The following COL6A6 variants were observed in gnomAD, a reference collection of about 807,000 sequenced individuals.
COL6A6 encodes collagen type VI alpha 6 chain, also known as collagen alpha-6(VI) chain.
In COL6A6, 183 loss-of-function variants were observed where a neutral mutation model predicts 208.6. The observed-to-expected ratio is 0.88, with a 90% CI of 0.78 to 0.99. The LOEUF (loss-of-function observed/expected upper bound fraction) is 0.99. Among genes scored for constraint, COL6A6 ranks in the 50% least tolerant of loss-of-function variants. The pLI is 0.00. For missense variants in COL6A6, 2,816 were observed against 2,815.2 expected, an observed-to-expected ratio of 1.00 and a Z score of -0.01; for synonymous variants, 973 against 1,011.8, an observed-to-expected ratio of 0.96 and a Z score of 0.73.
chr3:130,601,542 T>C (rs1184396954), intron 20 of COL6A6, among the ~76,000 whole-genome samples: 1 of 152,228 alleles, frequency 6.6e-6, no homozygotes, highest in African/African-American at 2.4e-5. Flanking sequence ...ACTTAAAGAA[T>C]ATCATCCAGG....
At chr3:130,571,958 C>T (rs1352609238) in intron 7 of COL6A6, among the ~76,000 whole-genome samples, 2 of 149,878 alleles carry the variant, frequency 1.3e-5, no homozygotes, top group African/African-American at 4.9e-5. Context: ...GCTGGGATTA[C>T]AAGTGTGGGC....
At chr3:130,565,638 G>C in intron 4 of COL6A6, 24 bp downstream of exon 4, 1 of 1,575,840 alleles carries the variant, frequency 6.3e-7, no homozygotes, top group Non-Finnish European at 8.6e-7. Flanking sequence ...CTGAAAGAAG[G>C]GTTGTTTGGA....
intron 1 of COL6A6, among the ~76,000 whole-genome samples, chr3:130,534,405 T>C (rs1316049512): frequency 6.6e-6 from 1 of 152,204 alleles, no homozygotes; most frequent in Non-Finnish European, 1.5e-5. Context: ...TTACTCCTTA[T>C]AGTAGCTTAT....
intron 1 of COL6A6, among the ~76,000 whole-genome samples, chr3:130,545,997 C>A (rs909833760): frequency 1.3e-5 from 2 of 152,090 alleles, no homozygotes; most frequent in Admixed American, 6.5e-5. Flanking sequence ...CCACAATTAT[C>A]GGAGATTCCA....
Position 130,622,725 on chromosome 3 carries a change from C to T in COL6A6, c.4878+842C>T, listed in dbSNP as rs984378595. On this transcript the variant is annotated intron_variant, in intron 24 of 36. Coordinates refer to ENST00000358511, the MANE Select transcript of COL6A6 (RefSeq NM_001102608.3). ...TCAAAAATTTAGCCGGGCGAGGTGG[C>T]GGGCACCTGTAGTCCCAGCTACTCA... Among the ~76,000 whole-genome samples, 6 of 151,990 alleles carry T rather than the reference C, an allele frequency of 3.9e-5. No individual in the cohort carries two copies. In the South Asian group the frequency reaches 6.2e-4, roughly 16 times the overall value.
chr3:130,657,574 A>G (rs2065826634), intron 33 of COL6A6, among the ~76,000 whole-genome samples: 1 of 152,004 alleles, frequency 6.6e-6, no homozygotes, highest in Admixed American at 6.6e-5. Context: ...TATTTGTTTA[A>G]AACAACAACA....
chr3:130,585,327 A>G (rs547815824), intron 10 of COL6A6, among the ~76,000 whole-genome samples: 3 of 152,334 alleles, frequency 2.0e-5, no homozygotes, highest in African/African-American at 7.2e-5. Context: ...ACCTAAAAAT[A>G]CCACTTACAG....
At chr3:130,593,937 AG>A (rs1413576823) in intron 17 of COL6A6, among the ~76,000 whole-genome samples, 2 of 152,208 alleles carry the variant, frequency 1.3e-5, no homozygotes, top group African/African-American at 4.8e-5. Context: ...CAATTGAGTC[AG>A]AAACAACCAT....
At chr3:130,545,067 G>A (rs2062459419) in intron 1 of COL6A6, among the ~76,000 whole-genome samples, 3 of 152,128 alleles carry the variant, frequency 2.0e-5, no homozygotes, top group Admixed American at 2.0e-4. Flanking sequence ...TTTGCAGCCT[G>A]AACTTTTGGT....
At chr3:130,673,200 A>G (rs1246934756) in intron 36 of COL6A6, among the ~76,000 whole-genome samples, 2 of 119,366 alleles carry the variant, frequency 1.7e-5, no homozygotes, top group African/African-American at 9.5e-5. Context: ...ACAAAAAAAC[A>G]AAAAAAACAA....
Position 130,568,240 on chromosome 3 carries a change from C to G in COL6A6, c.2037C>G (p.Phe679Leu), listed in dbSNP as rs1447778162. 21 of 1,614,004 alleles carry G rather than the reference C, an allele frequency of 1.3e-5. No homozygotes were observed. The highest frequency in any genetic ancestry group is 1.6e-5 in the Non-Finnish European group (19 of 1,179,888). ...AGGAAGAGTTTCAGCTCAACAGATT[C>G]ATGTCCCAAAGCGACATTTCAAATG... ...INKEEFQLNR[F>L]MSQSDISNAI... is the part of the protein sequence containing the mutation. Residue 679 changes from phenylalanine (F) to leucine (L), a missense_variant, in exon 6 of 37, where the codon TTC becomes TTG. Transcript: ENST00000358511.
intron 36 of COL6A6, among the ~76,000 whole-genome samples, chr3:130,673,528 A>G (rs1559810727): frequency 6.6e-6 from 1 of 152,142 alleles, no homozygotes; most frequent in Non-Finnish European, 1.5e-5. Flanking sequence ...AGAGTCCAGT[A>G]AAGGTAAGAC....
In COL6A6 at chr3:130,591,052, T is replaced by TTTTAAAGGCA; in HGVS notation, c.4231_4240dup (p.Ser1414IlefsTer2). 1 of 1,580,258 alleles carries TTTTAAAGGCA rather than the reference T, an allele frequency of 6.3e-7. No homozygotes were observed. Among genetic ancestry groups the TTTTAAAGGCA allele is most frequent in the Non-Finnish European group, 8.6e-7 (1 of 1,161,136 alleles). ...TTTCTTATTTCCAGGGACCTCCAGG[T>TTTTAAAGGCA]TTTAAAGGCAGTGAAGGCTACCTGG... On this transcript the variant is annotated frameshift_variant, in exon 13 of 37. Coordinates refer to ENST00000358511, the MANE Select transcript of COL6A6 (RefSeq NM_001102608.3). LOFTEE classifies it high-confidence loss of function.
chr3:130,573,808 A>G (rs1028270896), intron 7 of COL6A6, 148 bp from the exon 8 acceptor site: 5 of 592,128 alleles, frequency 8.4e-6, no homozygotes, highest in Non-Finnish European at 1.5e-5. Context: ...TGACCTTGTG[A>G]TCTGCCCGCC....
chr3:130,543,618 G>A (rs2062425801), intron 1 of COL6A6, among the ~76,000 whole-genome samples: 1 of 152,154 alleles, frequency 6.6e-6, no homozygotes, highest in African/African-American at 2.4e-5. Context: ...AGTAAGGCAA[G>A]TAAGATATAA....
intron 11 of COL6A6, among the ~76,000 whole-genome samples, chr3:130,587,387 G>A (rs947495193): frequency 6.6e-6 from 1 of 152,084 alleles, no homozygotes; most frequent in South Asian, 2.1e-4. Flanking sequence ...TCAGCCTCCC[G>A]AGTAGCTGGG....
intron 1 of COL6A6, among the ~76,000 whole-genome samples, chr3:130,549,073 A>G (rs992461527): frequency 6.6e-6 from 1 of 152,198 alleles, no homozygotes; most frequent in Non-Finnish European, 1.5e-5. Flanking sequence ...TTAAACCTAT[A>G]TTAACTTTAG....
intron 2 of COL6A6, among the ~76,000 whole-genome samples, chr3:130,561,148 A>G (rs921394278): frequency 2.0e-5 from 3 of 152,238 alleles, no homozygotes; most frequent in Admixed American, 6.5e-5. Flanking sequence ...AGACGTAGTG[A>G]TGGACCTTAT....
At chr3:130,638,136 TA>T (rs770526459) in intron 28 of COL6A6, among the ~76,000 whole-genome samples, 515 of 144,820 alleles carry the variant, frequency 3.6e-3, no homozygotes, top group Middle Eastern at 0.011. Flanking sequence ...TTTGTTATAT[TA>T]AAAAAAAAAA....
Sources: allele counts gnomAD v4.1 joint callset (sites outside exome capture counted in the v4.1 genomes callset), GRCh38; gene constraint gnomAD v4.1.1; transcripts MANE v1.5; gene names NCBI Gene and HGNC (gene_info 2026-07-23, HGNC 2026-07-21).